GATB: variants seen among roughly 807,000 people sequenced by gnomAD.
The protein encoded by GATB is glutamyl-tRNA(Gln) amidotransferase subunit B, mitochondrial.
Under a neutral mutation model 62.3 loss-of-function variants are expected in GATB, and 39 were observed. The observed-to-expected ratio is 0.63, with a 90% CI of 0.48 to 0.82. The LOEUF (loss-of-function observed/expected upper bound fraction) is 0.82, where lower values mean the gene tolerates loss of function less well. Ranked by LOEUF, GATB falls within the 40% of genes least tolerant of loss-of-function variation. The pLI is 0.00. For missense variants in GATB, 670 were observed against 684.0 expected (o/e 0.98, Z 0.23); for synonymous variants, 276 against 258.9 (o/e 1.07, Z -0.63).
intron 2 of GATB, among the ~76,000 whole-genome samples, chr4:151,735,913 G>C (rs1739364710): frequency 6.6e-6 from 1 of 151,572 alleles, no homozygotes; most frequent in Non-Finnish European, 1.5e-5. Flanking sequence ...AACATACATG[G>C]TGCAGTCTAT....
chr4:151,683,477 C>T (rs1161474893), intron 10 of GATB, among the ~76,000 whole-genome samples: 1 of 152,160 alleles, frequency 6.6e-6, no homozygotes, highest in Non-Finnish European at 1.5e-5. Flanking sequence ...GCTCCGGTGT[C>T]CTCTTGCTGG....
intron 2 of GATB, among the ~76,000 whole-genome samples, chr4:151,731,145 C>T (rs1406507621): frequency 8.1e-5 from 12 of 148,696 alleles, no homozygotes; most frequent in African/African-American, 2.7e-4. Flanking sequence ...TCTCTTTCCA[C>T]GGTCTCCCTC....
intron 2 of GATB, among the ~76,000 whole-genome samples, chr4:151,745,541 A>G (rs998077722): frequency 1.3e-5 from 2 of 152,210 alleles, no homozygotes; most frequent in African/African-American, 4.8e-5. Context: ...CGTTCACATC[A>G]CTATTTCTTC....
Position 151,672,849 on chromosome 4 carries a change from A to C in GATB, c.1458T>G (p.Ile486Met). ...TCAGTTCAAGCTGCTTTTCTGAAAC[A>C]ATCTGCCCTGGAGTCTTGCCTTCCC... Reference protein sequence around the residue: ...WKREGKTPGQIVSEKQLELMQ... With the variant: ...WKREGKTPGQMVSEKQLELMQ... Residue 486 changes from isoleucine (I) to methionine (M), a missense_variant, in exon 12 of 13, where the codon ATT (isoleucine) becomes ATG (methionine). Physicochemically the swap from Ile to Met is conservative, Grantham distance 10 (BLOSUM62 1). Transcript: ENST00000263985. 1 of 1,614,194 alleles carries C rather than the reference A, an allele frequency of 6.2e-7. No homozygotes were observed. The highest frequency in any genetic ancestry group is 8.5e-7 in the Non-Finnish European group (1 of 1,180,014).
intron 6 of GATB, among the ~76,000 whole-genome samples, chr4:151,706,530 C>T (rs2126971917): frequency 6.6e-6 from 1 of 152,334 alleles, no homozygotes; most frequent in Non-Finnish European, 1.5e-5. Flanking sequence ...GCTTTGGGAA[C>T]ATGGGCTATG....
intron 2 of GATB, among the ~76,000 whole-genome samples, chr4:151,752,288 T>C (rs1009338982): frequency 7.2e-5 from 11 of 152,196 alleles, no homozygotes; most frequent in African/African-American, 1.9e-4. Context: ...TGTTAGACTA[T>C]TTTTATTCCT....
At chr4:151,687,264 G>C (rs990659058) in intron 10 of GATB, among the ~76,000 whole-genome samples, 1 of 152,318 alleles carries the variant, frequency 6.6e-6, no homozygotes, top group South Asian at 2.1e-4. Flanking sequence ...AGCCCCGTGG[G>C]GGTGATGTCT....
intron 6 of GATB, among the ~76,000 whole-genome samples, chr4:151,705,705 A>G (rs1738701910): frequency 6.6e-6 from 1 of 152,236 alleles, no homozygotes; most frequent in Non-Finnish European, 1.5e-5. Context: ...GAGAGGGTCC[A>G]GCATTTACAT....
chr4:151,710,993 G>T (rs766757618), intron 5 of GATB, among the ~76,000 whole-genome samples: 7 of 152,060 alleles, frequency 4.6e-5, no homozygotes, highest in Non-Finnish European at 1.5e-5. Context: ...AGACATTCTC[G>T]ATCTCATCTT....
At chr4:151,671,891 C>A (rs1017405131) in intron 12 of GATB, among the ~76,000 whole-genome samples, 1 of 152,194 alleles carries the variant, frequency 6.6e-6, no homozygotes, top group African/African-American at 2.4e-5. Flanking sequence ...AGGGCCACCA[C>A]GTGACCTCCT....
chr4:151,759,185 G>A (rs1010545839), intron 1 of GATB, among the ~76,000 whole-genome samples: 1 of 152,156 alleles, frequency 6.6e-6, no homozygotes, highest in African/African-American at 2.4e-5. Flanking sequence ...GAAGGCTATA[G>A]AGAAAGGAAC....
intron 11 of GATB, chr4:151,676,000 A>C (rs1447385120): frequency 6.6e-6 from 1 of 152,286 alleles, no homozygotes; most frequent in African/African-American, 2.4e-5. Flanking sequence ...TTCCAAGGTC[A>C]GGATATGGTG....
chr4:151,724,205 T>C (rs1254247226), intron 2 of GATB: 3 of 146,878 alleles, frequency 2.0e-5, no homozygotes, highest in Non-Finnish European at 4.6e-5. Flanking sequence ...CCCAACACTT[T>C]CAAACAAATC....
intron 5 of GATB, among the ~76,000 whole-genome samples, chr4:151,712,840 T>A (rs1160022226): frequency 6.6e-6 from 1 of 152,202 alleles, no homozygotes; most frequent in African/African-American, 2.4e-5. Context: ...TTGACATTAG[T>A]ACATTCATTG....
intron 2 of GATB, among the ~76,000 whole-genome samples, chr4:151,742,090 G>A (rs1199302960): frequency 7.3e-6 from 1 of 136,328 alleles, no homozygotes; most frequent in South Asian, 2.3e-4. Context: ...GAGGGATATG[G>A]TTTTTTTTTT....
intron 2 of GATB, among the ~76,000 whole-genome samples, chr4:151,748,838 G>C (rs761518488): frequency 1.6e-4 from 24 of 152,066 alleles, no homozygotes; most frequent in Non-Finnish European, 3.1e-4. Flanking sequence ...CCCATCAAAA[G>C]GTGGGCGAAG....
intron 10 of GATB, 58 bp downstream of exon 10, chr4:151,688,572 C>G: frequency 2.0e-6 from 3 of 1,534,168 alleles, no homozygotes; most frequent in Non-Finnish European, 2.6e-6. Flanking sequence ...GCCCTATTTC[C>G]AGCACTTCTG....
intron 9 of GATB, among the ~76,000 whole-genome samples, chr4:151,700,058 T>C (rs907219796): frequency 2.0e-5 from 3 of 152,154 alleles, no homozygotes; most frequent in Non-Finnish European, 4.4e-5. Flanking sequence ...GTGGTCAAGA[T>C]GGTGGGGAAG....
At chr4:151,675,228 C>A (rs1010757500) in intron 11 of GATB, 3 of 151,942 alleles carry the variant, frequency 2.0e-5, no homozygotes, top group Admixed American at 1.3e-4. Context: ...CGGGGTGGTA[C>A]CAAGCAGTGC....
Sources: allele counts gnomAD v4.1 joint callset (sites outside exome capture counted in the v4.1 genomes callset), GRCh38; gene constraint gnomAD v4.1.1; transcripts MANE v1.5; gene names NCBI Gene and HGNC (gene_info 2026-07-23, HGNC 2026-07-21).